DCAF10: variants seen among roughly 807,000 people sequenced by gnomAD.
The protein encoded by DCAF10 is DDB1 and CUL4 associated factor 10.
A neutral mutation model predicts 51.9 loss-of-function variants in DCAF10; 19 were observed. The observed-to-expected ratio is 0.37, with a 90% confidence interval of 0.26 to 0.54. The LOEUF (loss-of-function observed/expected upper bound fraction) is 0.54. Among genes scored for constraint, DCAF10 ranks in the 20% least tolerant of loss-of-function variants. The probability of loss-of-function intolerance (pLI) is 0.87; values close to 1 mark genes in which losing one functional copy is unlikely to be tolerated. For missense variants in DCAF10, 510 were observed against 730.6 expected (o/e 0.70, Z 3.48); for synonymous variants, 291 against 297.1 (o/e 0.98, Z 0.21).
intron 3 of DCAF10, among the ~76,000 whole-genome samples, chr9:37,850,815 G>A (rs908412038): frequency 1.8e-5 from 2 of 113,272 alleles, no homozygotes; most frequent in Non-Finnish European, 3.5e-5. Context: ...CTAAGTATGT[G>A]AGGATATATT....
In DCAF10 at chr9:37,829,213, G is replaced by T. The variant is rs765302833; in HGVS notation, c.653+9812G>T. On this transcript the variant is annotated intron_variant, in intron 2 of 6. Coordinates refer to ENST00000377724, the MANE Select transcript of DCAF10 (RefSeq NM_024345.5). The surrounding 1 kb of genome is among the most constrained non-coding windows in gnomAD (Gnocchi z 4.2). ...ATGCCTGTAATTCCCGCACTTTTGG[G>T]TGGATCACCTGAGGTAGGGAGTTCG... Among the ~76,000 whole-genome samples, 1 of 152,140 alleles carries T rather than the reference G, an allele frequency of 6.6e-6. No individual in the cohort carries two copies. The highest frequency in any genetic ancestry group is 1.5e-5 in the Non-Finnish European group (1 of 68,016).
In DCAF10 at chr9:37,864,590, A is replaced by G. The variant is rs1831097175; in HGVS notation, c.*3082A>G. The G allele has an allele frequency of 6.8e-6, 1 of 147,044 alleles. No homozygotes were observed. The highest frequency in any genetic ancestry group is 2.6e-5 in the African/African-American group (1 of 39,090). The allele number at this position is 147,044 out of a possible 1,614,324, so 9.1% of individuals were successfully genotyped here. A position where few individuals can be genotyped will look rare whatever the true frequency, so the allele number is the denominator to read the frequency against. On this transcript the variant is annotated 3_prime_UTR_variant, in exon 7 of 7. Transcript: ENST00000377724. Reference sequence around the variant, plus strand: ...CAGAGCGAGACTCTGCCTCAAAAAAAAAAAAAAAAATAAAATAAAATAAAA... The same window carrying G: ...CAGAGCGAGACTCTGCCTCAAAAAAGAAAAAAAAAATAAAATAAAATAAAA...
At chr9:37,814,804 C>T (rs1175208275) in intron 1 of DCAF10, among the ~76,000 whole-genome samples, 1 of 152,078 alleles carries the variant, frequency 6.6e-6, no homozygotes, top group Non-Finnish European at 1.5e-5. Flanking sequence ...TAAATAATCC[C>T]AATTTATATA....
rs1255247973 is a variant in DCAF10, at chr9:37,861,060, T to G, written c.1312-80T>G. 33 of 1,497,610 alleles carry G rather than the reference T, an allele frequency of 2.2e-5. No homozygotes were observed. In the East Asian group the frequency reaches 7.5e-4, roughly 34 times the overall value. The allele number at this position is 1,497,610 out of a possible 1,614,324, so 92.8% of individuals were successfully genotyped here. On this transcript the variant is annotated intron_variant, in intron 6 of 6. Coordinates refer to ENST00000377724, the MANE Select transcript of DCAF10 (RefSeq NM_024345.5). This position sits in a 1 kb window ranked among gnomAD's most constrained non-coding sequence, Gnocchi z 4.9. ...AAATTCTGTGGCTTTGGCAATCTGT[T>G]GAGCTTTTTAAAAATAAGGAATATC...
upstream of DCAF10, chr9:37,800,684 C>A: frequency 2.6e-6 from 4 of 1,536,052 alleles, no homozygotes; most frequent in Non-Finnish European, 3.5e-6. Flanking sequence ...CCCGGGACTG[C>A]GGCGCCCCAA....
chr9:37,862,441 G>GT lies in DCAF10; in HGVS notation c.*935dup, dbSNP rs1420687620. On this transcript the variant is annotated 3_prime_UTR_variant, in exon 7 of 7. Transcript: ENST00000377724. ...TTATTTGAATCACACAGGATGATGT[G>GT]TTAACAGTATTAGGGTGGAAGAGGA... 1 of 152,202 alleles carries GT rather than the reference G, an allele frequency of 6.6e-6. No homozygotes were observed. The highest frequency in any genetic ancestry group is 2.4e-5 in the African/African-American group (1 of 41,450). The allele number at this position is 152,202 out of a possible 1,614,324, so 9.4% of individuals were successfully genotyped here. A position where few individuals can be genotyped will look rare whatever the true frequency, so the allele number is the denominator to read the frequency against.
intron 2 of DCAF10, chr9:37,836,214 A>G (rs1830161861): frequency 1.3e-6 from 2 of 1,512,804 alleles, no homozygotes; most frequent in Admixed American, 1.7e-5. Flanking sequence ...AACACTTTAC[A>G]GATGTTTAGA....
intron 3 of DCAF10, among the ~76,000 whole-genome samples, chr9:37,852,346 C>T (rs1035246004): frequency 1.3e-5 from 2 of 152,174 alleles, no homozygotes; most frequent in South Asian, 2.1e-4. Flanking sequence ...CTTATAATCT[C>T]AGCACTTTGA....
chr9:37,804,478 AAGAC>A (rs1829051574), intron 1 of DCAF10, among the ~76,000 whole-genome samples: 1 of 152,090 alleles, frequency 6.6e-6, no homozygotes, highest in Non-Finnish European at 1.5e-5. Context: ...AAAATCTTAA[AAGAC>A]AGAGGAAAAA....
chr9:37,815,737 G>A (rs1404591805), intron 1 of DCAF10, among the ~76,000 whole-genome samples: 5 of 151,968 alleles, frequency 3.3e-5, no homozygotes, highest in East Asian at 1.9e-4. Context: ...TAGTAAGATC[G>A]ATTGATAAAT....
intron 1 of DCAF10, among the ~76,000 whole-genome samples, chr9:37,802,237 A>G (rs10441728): frequency 0.19 from 29,140 of 152,204 alleles, 3,198 homozygotes; most frequent in African/African-American, 0.29. Flanking sequence ...AGGAGTAACC[A>G]TGCTGAGCAA....
rs548163834 is a variant in DCAF10, at chr9:37,812,568, A to G, written c.540-6720A>G. On this transcript the variant is annotated intron_variant, in intron 1 of 6. Coordinates refer to ENST00000377724, the MANE Select transcript of DCAF10 (RefSeq NM_024345.5). ...TTAGGAGGAAGGAAAAAGGTGGAAG[A>G]TCAGAGGTACAGGAAAGAATGAAAA... 9.7e-4 allele frequency among the ~76,000 whole-genome samples: 148 copies of G among 152,364 alleles called. 1 individual carries two copies. Among genetic ancestry groups the G allele is most frequent in the Admixed American group, 3.3e-3 (50 of 15,308 alleles).
rs142591662 is a variant in DCAF10, at chr9:37,811,991, A to G, written c.540-7297A>G. Among the ~76,000 whole-genome samples the G allele has an allele frequency of 6.4e-3, 972 of 152,260 alleles. 7 individuals carry two copies. Among genetic ancestry groups the G allele is most frequent in the Middle Eastern group, 0.034 (10 of 294 alleles). ...CTCTTGAGCTCAGGAGTTTGAGACC[A>G]GCCCGGCCAACATGGCAAAACCCTG... On this transcript the variant is annotated intron_variant, in intron 1 of 6. Transcript: ENST00000377724.
intron 3 of DCAF10, among the ~76,000 whole-genome samples, chr9:37,845,020 C>T (rs1487115286): frequency 6.6e-6 from 1 of 152,148 alleles, no homozygotes; most frequent in Non-Finnish European, 1.5e-5. Context: ...TACCAAAGAA[C>T]TATTATCACA....
intron 2 of DCAF10, among the ~76,000 whole-genome samples, chr9:37,822,897 G>A (rs919562576): frequency 6.6e-6 from 1 of 152,188 alleles, no homozygotes; most frequent in Non-Finnish European, 1.5e-5. Context: ...GAGCCCAGGA[G>A]TTCAAGGCAG....
chr9:37,814,998 TA>T (rs1234726628), intron 1 of DCAF10, among the ~76,000 whole-genome samples: 2 of 151,902 alleles, frequency 1.3e-5, no homozygotes, highest in African/African-American at 4.8e-5. Context: ...AGCAATGAGG[TA>T]AAAATAAAAG....
At chr9:37,852,593 G>A (rs1382966011) in intron 3 of DCAF10, among the ~76,000 whole-genome samples, 2 of 145,340 alleles carry the variant, frequency 1.4e-5, no homozygotes, top group African/African-American at 5.3e-5. Flanking sequence ...GGGAGACCCA[G>A]TCTCTTAAAA....
intron 2 of DCAF10, among the ~76,000 whole-genome samples, chr9:37,823,127 T>C (rs1829754921): frequency 6.6e-6 from 1 of 152,142 alleles, no homozygotes; most frequent in Non-Finnish European, 1.5e-5. Flanking sequence ...TATGAAAAAG[T>C]AGTTGAAAGA....
rs556029674 is a variant in DCAF10 at position 37,857,708 on chromosome 9, G to A, written c.1165+357G>A. Among the ~76,000 whole-genome samples the A allele has an allele frequency of 1.7e-3, 259 of 152,284 alleles. 1 individual carries two copies. The highest frequency in any genetic ancestry group is 5.5e-3 in the African/African-American group (230 of 41,564). ...ATAAATATAAGTCATGAATTTTCAG[G>A]TAATTGTGAAAGTCACCTGGTTACC... On this transcript the variant is annotated intron_variant, in intron 5 of 6. Coordinates refer to ENST00000377724, the MANE Select transcript of DCAF10 (RefSeq NM_024345.5).
Sources: gnomAD v4.1 joint callset for allele counts (sites outside exome capture counted in the v4.1 genomes callset) on GRCh38, gnomAD v4.1.1 for gene constraint, Gnocchi (gnomAD v3.1) non-coding constraint, MANE v1.5 for transcripts, NCBI Gene and HGNC (gene_info 2026-07-23, HGNC 2026-07-21) for gene names.